ADCK1: variants seen among roughly 807,000 people sequenced by gnomAD.
ADCK1 encodes the protein aarF domain containing kinase 1.
ADCK1 carries 41 observed loss-of-function variants against 52.3 expected under a neutral mutation model. That is an observed-to-expected ratio of 0.78 (90% confidence interval 0.61 to 1.02). The LOEUF (loss-of-function observed/expected upper bound fraction) is 1.02, where lower values mean the gene tolerates loss of function less well. Among genes scored for constraint, ADCK1 ranks in the 50% least tolerant of loss-of-function variants. The pLI, the probability that ADCK1 is intolerant of heterozygous loss-of-function variation, is 0.00. For synonymous variants in ADCK1, 250 were observed against 274.6 expected (o/e 0.91, Z 0.89); for missense variants, 658 against 679.5 (o/e 0.97, Z 0.35).
chr14:77,838,950 C>T (rs2082012706), intron 3 of ADCK1, among the ~76,000 whole-genome samples: 1 of 152,218 alleles, frequency 6.6e-6, no homozygotes, highest in African/African-American at 2.4e-5. Flanking sequence ...CTCAAAAGCA[C>T]ATCCGCTCCA....
At chr14:77,879,574 C>T (rs74545852) in intron 4 of ADCK1, among the ~76,000 whole-genome samples, 2,599 of 152,116 alleles carry the variant, frequency 0.017, 66 homozygotes, top group African/African-American at 0.06. Flanking sequence ...AGAGGTAGGC[C>T]GGGTCAGACC....
chr14:77,813,376 T>G (rs2081374539), intron 1 of ADCK1, among the ~76,000 whole-genome samples: 1 of 152,136 alleles, frequency 6.6e-6, no homozygotes, highest in Admixed American at 6.6e-5. Flanking sequence ...AATGGCATGG[T>G]CTCAGCTCAC....
chr14:77,867,975 T>C (rs117295771), intron 4 of ADCK1, among the ~76,000 whole-genome samples: 2 of 152,324 alleles, frequency 1.3e-5, no homozygotes, highest in East Asian at 3.9e-4. Flanking sequence ...GCTTGTTACG[T>C]GTCGAGTTGT....
chr14:77,922,479 CG>C (rs941640687), intron 7 of ADCK1, among the ~76,000 whole-genome samples: 2 of 152,182 alleles, frequency 1.3e-5, no homozygotes, highest in African/African-American at 4.8e-5. Context: ...TATGAGGAAT[CG>C]GGGGCGCTTA....
At chr14:77,832,221 G>A (rs1045504679) in intron 3 of ADCK1, among the ~76,000 whole-genome samples, 14 of 151,986 alleles carry the variant, frequency 9.2e-5, no homozygotes, top group Non-Finnish European at 1.9e-4. Context: ...CATATGATCC[G>A]CCCGCCTTGG....
chr14:77,895,356 A>G (rs968606134), intron 5 of ADCK1, among the ~76,000 whole-genome samples: 4 of 152,252 alleles, frequency 2.6e-5, no homozygotes, highest in African/African-American at 9.6e-5. Context: ...ATGTGAACAT[A>G]TAATTATCTC....
At chr14:77,820,002 A>G (rs1422813522) in intron 2 of ADCK1, among the ~76,000 whole-genome samples, 1 of 152,142 alleles carries the variant, frequency 6.6e-6, no homozygotes, top group Non-Finnish European at 1.5e-5. Context: ...TGACAGATAG[A>G]CTTTGGATAA....
chr14:77,818,952 T>C lies in ADCK1; in HGVS notation c.-11-16T>C. The C allele has an allele frequency of 1.2e-6, 2 of 1,609,526 alleles. No homozygotes were observed. The highest frequency in any genetic ancestry group is 2.2e-5 in the South Asian group (2 of 90,044). On this transcript the variant is annotated splice_polypyrimidine_tract_variant and intron_variant, in intron 1 of 10. Coordinates refer to ENST00000238561, the MANE Select transcript of ADCK1 (RefSeq NM_020421.4). ...TTTTAACTGCTATTCTTTCTCAACT[T>C]TCCTTTTTTCTGCAGGATCTGGCGA...
chr14:77,816,086 C>T (rs1311071193), intron 1 of ADCK1, among the ~76,000 whole-genome samples: 1 of 152,058 alleles, frequency 6.6e-6, no homozygotes, highest in African/African-American at 2.4e-5. Context: ...GAATTACAGG[C>T]GTGAGCTACC....
chr14:77,870,009 G>T (rs2082742090), intron 4 of ADCK1, among the ~76,000 whole-genome samples: 1 of 152,208 alleles, frequency 6.6e-6, no homozygotes, highest in Non-Finnish European at 1.5e-5. Flanking sequence ...ATAAAAACGT[G>T]AGAATGGACC....
intron 3 of ADCK1, among the ~76,000 whole-genome samples, chr14:77,832,524 C>G (rs1407570886): frequency 6.6e-6 from 1 of 152,222 alleles, no homozygotes; most frequent in Non-Finnish European, 1.5e-5. Flanking sequence ...TCTTCACCCT[C>G]CCTCCTCTGA....
At chr14:77,853,802 AGT>A (rs1368280916) in intron 3 of ADCK1, among the ~76,000 whole-genome samples, 1 of 152,002 alleles carries the variant, frequency 6.6e-6, no homozygotes, top group Non-Finnish European at 1.5e-5. Context: ...GCAGATCTTT[AGT>A]GTTCTTTTTT....
chr14:77,814,354 C>G, intron 1 of ADCK1, among the ~76,000 whole-genome samples: 1 of 151,594 alleles, frequency 6.6e-6, no homozygotes, highest in South Asian at 2.1e-4. Context: ...GCTGGGATTA[C>G]AGGTGTGAGC....
chr14:77,866,367 C>T (rs937150872), intron 4 of ADCK1, among the ~76,000 whole-genome samples: 3 of 152,264 alleles, frequency 2.0e-5, no homozygotes, highest in Admixed American at 1.3e-4. Flanking sequence ...TAGAATAATC[C>T]TCCTTTCTCT....
chr14:77,854,954 C>G (rs887735214), intron 3 of ADCK1, among the ~76,000 whole-genome samples: 1 of 151,576 alleles, frequency 6.6e-6, no homozygotes, highest in Non-Finnish European at 1.5e-5. Flanking sequence ...TATTCTTCTG[C>G]CCTAATTGCC....
Position 77,852,875 on chromosome 14 carries a change from TTA to T in ADCK1, c.220-6199_220-6198del, listed in dbSNP as rs1368101587. Reference sequence around the variant, plus strand: ...CCAGGTTTTCAAGTTCACTAATCTTTTATGTGTGTATATATATATATATATAT... The same window carrying T: ...CCAGGTTTTCAAGTTCACTAATCTTTTGTGTGTATATATATATATATATAT... On this transcript the variant is annotated intron_variant, in intron 3 of 10. Transcript: ENST00000238561. Among the ~76,000 whole-genome samples the T allele has an allele frequency of 1.1e-4, 5 of 47,584 alleles. 1 individual carries two copies. In the East Asian group the frequency reaches 1.7e-3, roughly 16 times the overall value. The allele number at this position is 47,584 out of a possible 152,430, so 31.2% of individuals were successfully genotyped here. A position where few individuals can be genotyped will look rare whatever the true frequency, so the allele number is the denominator to read the frequency against.
rs757820434 is a variant in ADCK1 at position 77,907,785 on chromosome 14, T to A, written c.742-18T>A. 8.1e-6 allele frequency: 13 copies of A among 1,599,220 alleles called. No individual in the cohort carries two copies. Among genetic ancestry groups the A allele is most frequent in the Non-Finnish European group, 1.1e-5 (13 of 1,168,478 alleles). ...CCCAGCTTCCCCAGACCATCTGACC[T>A]GTCCCTTCCTATCCCAGGTCCCCCG... On this transcript the variant is annotated intron_variant, in intron 6 of 10. Transcript: ENST00000238561.
intron 3 of ADCK1, among the ~76,000 whole-genome samples, chr14:77,849,192 T>C (rs1287401895): frequency 1.3e-5 from 2 of 152,288 alleles, no homozygotes; most frequent in Admixed American, 6.5e-5. Context: ...CTCTCATCTC[T>C]GGCTCCTGAG....
At chr14:77,916,534 G>T (rs549237004) in intron 7 of ADCK1, among the ~76,000 whole-genome samples, 1 of 152,248 alleles carries the variant, frequency 6.6e-6, no homozygotes, top group East Asian at 1.9e-4. Flanking sequence ...GCTCACCACA[G>T]CCTGGATCTC....
Sources: gnomAD v4.1 joint callset for allele counts (sites outside exome capture counted in the v4.1 genomes callset) on GRCh38, gnomAD v4.1.1 for gene constraint, MANE v1.5 for transcripts, NCBI Gene and HGNC (gene_info 2026-07-23, HGNC 2026-07-21) for gene names.